The following ACSL3 variants were observed in gnomAD, a reference collection of about 807,000 sequenced individuals.
ACSL3 encodes acyl-CoA synthetase long chain family member 3.
A neutral mutation model predicts 84.7 loss-of-function variants in ACSL3; 34 were observed. That is an observed-to-expected ratio of 0.40 (90% CI 0.31 to 0.53). The LOEUF (loss-of-function observed/expected upper bound fraction) is 0.53, where lower values mean the gene tolerates loss of function less well. ACSL3 is among the 20% of genes least tolerant of loss of function. The pLI is 0.48. For missense variants in ACSL3, 680 were observed against 873.1 expected (o/e 0.78, Z 2.79); for synonymous variants, 315 against 299.4 (o/e 1.05, Z -0.54).
intron 1 of ACSL3, among the ~76,000 whole-genome samples, chr2:222,880,633 C>T (rs934671596): frequency 4.0e-5 from 6 of 151,860 alleles, no homozygotes; most frequent in African/African-American, 1.2e-4. Flanking sequence ...TCAAGACCAT[C>T]CTGGCTAACA....
intron 3 of ACSL3, among the ~76,000 whole-genome samples, chr2:222,907,422 G>A (rs893807120): frequency 6.6e-6 from 1 of 152,182 alleles, no homozygotes; most frequent in African/African-American, 2.4e-5. Context: ...TGGATTTGGA[G>A]CTGGGTAGGG....
intron 4 of ACSL3, among the ~76,000 whole-genome samples, chr2:222,912,959 G>A (rs913395656): frequency 2.0e-5 from 3 of 152,142 alleles, no homozygotes; most frequent in Admixed American, 6.5e-5. Flanking sequence ...CACTAACGTC[G>A]TCTTGAAATG....
intron 8 of ACSL3, among the ~76,000 whole-genome samples, chr2:222,921,710 G>GT (rs1052864366): frequency 1.2e-4 from 18 of 152,074 alleles, no homozygotes; most frequent in African/African-American, 3.9e-4. Context: ...TGCTGCTGTA[G>GT]TTTTTTTTAT....
intron 4 of ACSL3, among the ~76,000 whole-genome samples, chr2:222,912,918 G>C (rs1287902035): frequency 6.6e-6 from 1 of 152,178 alleles, no homozygotes; most frequent in East Asian, 1.9e-4. Flanking sequence ...AGCATCACCT[G>C]ATTCCAGTGT....
chr2:222,914,234 C>CGTGTGTGTGTGTGT (rs57546680), intron 4 of ACSL3, among the ~76,000 whole-genome samples: 77 of 140,270 alleles, frequency 5.5e-4, no homozygotes, highest in African/African-American at 2.0e-3. Flanking sequence ...TGTGTGTGTA[C>CGTGTGTGTGTGTGT]GTGTGTGTGT....
At chr2:222,865,201 A>C (rs1361011751) in intron 1 of ACSL3, among the ~76,000 whole-genome samples, 2 of 152,284 alleles carry the variant, frequency 1.3e-5, no homozygotes, top group African/African-American at 4.8e-5. Context: ...TAGGTGCCTT[A>C]ATTCTTTTAA....
chr2:222,914,842 A>G (rs781152233), intron 4 of ACSL3, among the ~76,000 whole-genome samples: 1 of 152,234 alleles, frequency 6.6e-6, no homozygotes, highest in African/African-American at 2.4e-5. Context: ...ATATTTATGA[A>G]AAACATAATT....
intron 7 of ACSL3, among the ~76,000 whole-genome samples, chr2:222,920,702 A>G (rs1242667497): frequency 6.6e-6 from 1 of 152,194 alleles, no homozygotes; most frequent in Non-Finnish European, 1.5e-5. Context: ...GTTCAAAACA[A>G]CATTGCTTTA....
chr2:222,909,354 C>T (rs1443696534), intron 4 of ACSL3, among the ~76,000 whole-genome samples: 1 of 152,144 alleles, frequency 6.6e-6, no homozygotes, highest in African/African-American at 2.4e-5. Context: ...CATCGCAACC[C>T]AGTGGTGTGG....
Position 222,923,064 on chromosome 2 carries a change from T to A in ACSL3, c.1081-14T>A, listed in dbSNP as rs771365458. The A allele has an allele frequency of 6.2e-7, 1 of 1,604,654 alleles. No individual in the cohort carries two copies. Among genetic ancestry groups the A allele is most frequent in the South Asian group, 1.1e-5 (1 of 90,776 alleles). On this transcript the variant is annotated splice_polypyrimidine_tract_variant and intron_variant, in intron 9 of 16. Transcript: ENST00000357430. ...AGGATCACTTTATATGGATCACTTT[T>A]TCTTATTTTGTAGTCTTCAAAAATT...
Position 222,864,463 on chromosome 2 carries a change from C to G in ACSL3, c.-207+3205C>G, listed in dbSNP as rs551599241. Reference sequence around the variant, plus strand: ...AGCTTGTCAAGGAGACAAGAGTGGCCAGGAAGGTCAGAGGACAGCCAGAAA... The same window carrying G: ...AGCTTGTCAAGGAGACAAGAGTGGCGAGGAAGGTCAGAGGACAGCCAGAAA... On this transcript the variant is annotated intron_variant, in intron 1 of 16. Transcript: ENST00000357430. Among the ~76,000 whole-genome samples, 22 of 151,850 alleles carry G rather than the reference C, an allele frequency of 1.4e-4. No individual in the cohort carries two copies. In the South Asian group the frequency reaches 4.4e-3, roughly 30 times the overall value.
Position 222,908,875 on chromosome 2 carries a change from A to C in ACSL3, c.103A>C (p.Ile35Leu). 6.2e-7 allele frequency: 1 copy of C among 1,609,780 alleles called. No individual in the cohort carries two copies. Residue 35 changes from isoleucine (I) to leucine (L), a missense_variant, in exon 4 of 17, where the codon ATT becomes CTT. By Grantham distance (5) the Ile-to-Leu change is conservative. Transcript: ENST00000357430. ...ACATTTTCTAATATCACTTTATACT[A>C]TTTTAACATACATTCCGTTTTATTT... ...FIHFLISLYT[I>L]LTYIPFYFFS... is the part of the protein sequence containing the mutation.
Position 222,930,609 on chromosome 2 carries a change from T to C in ACSL3, c.1541-12T>C, listed in dbSNP as rs1697004274. On this transcript the variant is annotated splice_polypyrimidine_tract_variant and intron_variant, in intron 13 of 16. Transcript: ENST00000357430. ...TTTAACTCAACTATTAACTCAATTA[T>C]TATTTTATTAGGTGGATACTTTAAT... The C allele has an allele frequency of 6.4e-7, 1 of 1,568,716 alleles. No homozygotes were observed. Among genetic ancestry groups the C allele is most frequent in the South Asian group, 1.2e-5 (1 of 84,662 alleles).
chr2:222,872,217 TG>T (rs1169021230), intron 1 of ACSL3, among the ~76,000 whole-genome samples: 1 of 152,162 alleles, frequency 6.6e-6, no homozygotes, highest in Non-Finnish European at 1.5e-5. Context: ...CTCCGTCTCC[TG>T]GGTTCAAGTG....
intron 1 of ACSL3, among the ~76,000 whole-genome samples, chr2:222,887,597 GT>G (rs1292600654): frequency 1.3e-5 from 2 of 152,258 alleles, no homozygotes; most frequent in Non-Finnish European, 2.9e-5. Flanking sequence ...AGTGTTTTGG[GT>G]TTTGGGCATT....
At chr2:222,922,554 G>GTGTCTC (rs1696768333) in intron 8 of ACSL3, among the ~76,000 whole-genome samples, 154 bp from the exon 9 acceptor site, 1 of 150,688 alleles carries the variant, frequency 6.6e-6, no homozygotes, top group Non-Finnish European at 1.5e-5. Flanking sequence ...GTTTTCACCT[G>GTGTCTC]TCTCTCTCTC....
chr2:222,868,431 T>G (rs984035595), intron 1 of ACSL3, among the ~76,000 whole-genome samples: 1 of 152,222 alleles, frequency 6.6e-6, no homozygotes, highest in East Asian at 1.9e-4. Flanking sequence ...TTAGCTATTT[T>G]TATTAGTTTT....
At chr2:222,878,415 C>G (rs1695508775) in intron 1 of ACSL3, among the ~76,000 whole-genome samples, 1 of 152,196 alleles carries the variant, frequency 6.6e-6, no homozygotes, top group Admixed American at 6.5e-5. Context: ...GCTTGCTGTA[C>G]TTTAATGTCA....
At chr2:222,865,583 G>A (rs1695115975) in intron 1 of ACSL3, among the ~76,000 whole-genome samples, 1 of 152,204 alleles carries the variant, frequency 6.6e-6, no homozygotes, top group African/African-American at 2.4e-5. Flanking sequence ...AGGTATATGA[G>A]CAAATATATT....
Sources: allele counts gnomAD v4.1 joint callset (sites outside exome capture counted in the v4.1 genomes callset), GRCh38; gene constraint gnomAD v4.1.1; transcripts MANE v1.5; gene names NCBI Gene and HGNC (gene_info 2026-07-23, HGNC 2026-07-21).